The following FBXO42 variants were observed in gnomAD, a reference collection of about 807,000 sequenced individuals.
FBXO42 encodes the protein F-box protein 42, also known as F-box only protein 42.
Under a neutral mutation model 71.7 loss-of-function variants are expected in FBXO42, and 12 were observed. That is an observed-to-expected ratio of 0.17 (90% CI 0.11 to 0.27). The LOEUF is 0.27. Among genes scored for constraint, FBXO42 ranks in the 10% least tolerant of loss-of-function variants. The probability of loss-of-function intolerance (pLI) is 1.00; values close to 1 mark genes in which losing one functional copy is unlikely to be tolerated. For missense variants in FBXO42, 707 were observed against 911.9 expected (o/e 0.78, Z 2.89); for synonymous variants, 325 against 327.5 (o/e 0.99, Z 0.08).
chr1:16,315,391 C>T lies in FBXO42; in HGVS notation c.28G>A (p.Asp10Asn). MASSSDSED[D>N]SFMAVDQEET... Reference sequence around the variant, plus strand: ...TCCTGGTCCACAGCCATGAAACTGTCATCTTCACTGTCCGAGGAGCTGGCC... The same window carrying T: ...TCCTGGTCCACAGCCATGAAACTGTTATCTTCACTGTCCGAGGAGCTGGCC... The change falls in exon 2 of 10, where the codon GAC becomes AAC. Residue 10 changes from aspartate to asparagine, a missense_variant. Physicochemically the swap from Asp to Asn is conservative, Grantham distance 23. Around this residue, in one of 5 missense-constraint regions of FBXO42, gnomAD observed 188 missense variants for 230.5 expected, o/e 0.82. Transcript: ENST00000375592. 1 of 1,614,146 alleles carries T rather than the reference C, an allele frequency of 6.2e-7. No individual in the cohort carries two copies. The highest frequency in any genetic ancestry group is 8.5e-7 in the Non-Finnish European group (1 of 1,180,038).
In FBXO42 at chr1:16,269,555, C is replaced by T. The variant is rs146518926; in HGVS notation, c.503-12796G>A. ...TTTTTGTTTATTTGAGACAGAGTTT[C>T]GCTCTTGTTGCCCAGGCTGGAGTGC... On this transcript the variant is annotated intron_variant, in intron 4 of 9. Transcript: ENST00000375592. 7.5e-3 allele frequency among the ~76,000 whole-genome samples: 1,135 copies of T among 152,020 alleles called. 11 individuals are homozygous for T. Among genetic ancestry groups the T allele is most frequent in the African/African-American group, 0.026 (1,079 of 41,464 alleles).
intron 4 of FBXO42, among the ~76,000 whole-genome samples, chr1:16,291,514 G>A (rs900283161): frequency 1.5e-4 from 23 of 151,846 alleles, no homozygotes; most frequent in Non-Finnish European, 3.1e-4. Flanking sequence ...CTGAGTAGCT[G>A]AGGTTACAGG....
rs60450493 is a variant in FBXO42 at position 16,319,245 on chromosome 1, A to C, written c.-17-3810T>G. 3.9e-4 allele frequency among the ~76,000 whole-genome samples: 59 copies of C among 152,310 alleles called. No individual in the cohort carries two copies. In the East Asian group the frequency reaches 0.011, roughly 28 times the overall value. On this transcript the variant is annotated intron_variant, in intron 1 of 9. Coordinates refer to ENST00000375592, the MANE Select transcript of FBXO42 (RefSeq NM_018994.3). ...TGTTCCAAAAAGTGACAGACCGGGGAGAGCAGAGAACAGAAACCTCCTACC... is the reference window on the plus strand; with the variant it reads ...TGTTCCAAAAAGTGACAGACCGGGGCGAGCAGAGAACAGAAACCTCCTACC...
intron 1 of FBXO42, among the ~76,000 whole-genome samples, chr1:16,350,235 T>C (rs2082686662): frequency 6.6e-6 from 1 of 152,132 alleles, no homozygotes; most frequent in Non-Finnish European, 1.5e-5. Context: ...TACCTGATGA[T>C]GATTTAGCAT....
chr1:16,270,149 C>T (rs1335634672), intron 4 of FBXO42, among the ~76,000 whole-genome samples: 2 of 152,182 alleles, frequency 1.3e-5, no homozygotes, highest in Non-Finnish European at 2.9e-5. Context: ...AGCCACCACG[C>T]CCAGCCACTT....
intron 1 of FBXO42, among the ~76,000 whole-genome samples, chr1:16,322,765 A>C (rs2082418844): frequency 6.6e-6 from 1 of 152,196 alleles, no homozygotes; most frequent in Non-Finnish European, 1.5e-5. Flanking sequence ...CACACAGAGT[A>C]AGAAACAAAA....
rs531061809 is a variant in FBXO42, at chr1:16,352,429, A to ACGC, written c.-195_-193dup. On this transcript the variant is annotated 5_prime_UTR_variant, in exon 1 of 10. Transcript: ENST00000375592. The stretch of plus-strand genomic sequence containing the variant: ...GGAGCCGCCATCTTCCTCCACTCAA[A>ACGC]CGCCGCCGCCGCCGCAGCTGCTGCT... 3.3e-3 allele frequency: 1,315 copies of ACGC among 398,414 alleles called. 26 individuals are homozygous for ACGC. The East Asian group carries it at 0.044, about 13-fold the overall frequency. The allele number at this position is 398,414 out of a possible 1,614,324, so 24.7% of individuals were successfully genotyped here. A position where few individuals can be genotyped will look rare whatever the true frequency, so the allele number is the denominator to read the frequency against.
chr1:16,310,030 C>G (rs1168421295), intron 2 of FBXO42, among the ~76,000 whole-genome samples: 1 of 151,516 alleles, frequency 6.6e-6, no homozygotes, highest in African/African-American at 2.4e-5. Flanking sequence ...CCCGTCTCTA[C>G]TAAAAATAGA....
chr1:16,320,360 C>A (rs377160714), intron 1 of FBXO42, among the ~76,000 whole-genome samples: 674 of 113,294 alleles, frequency 5.9e-3, no homozygotes, highest in Middle Eastern at 0.013. Context: ...AACTCCATGT[C>A]AAAAAAAAAA....
chr1:16,283,115 A>G (rs1467360048), intron 4 of FBXO42, among the ~76,000 whole-genome samples: 1 of 152,170 alleles, frequency 6.6e-6, no homozygotes. Flanking sequence ...CTGTTATCCA[A>G]TTTTTATGAA....
At chr1:16,305,772 G>T in intron 3 of FBXO42, 31 bp downstream of exon 3, 1 of 1,549,822 alleles carries the variant, frequency 6.5e-7, no homozygotes, top group Middle Eastern at 1.7e-4. Flanking sequence ...CCACAGGCAG[G>T]GTGGAATCTG....
At chr1:16,258,530 A>G (rs1184126782) in intron 4 of FBXO42, among the ~76,000 whole-genome samples, 3 of 151,700 alleles carry the variant, frequency 2.0e-5, no homozygotes, top group African/African-American at 7.3e-5. Context: ...CTAATTTTTA[A>G]ATTTTTTGTA....
chr1:16,284,884 C>A (rs1239843789), intron 4 of FBXO42, among the ~76,000 whole-genome samples: 2 of 152,154 alleles, frequency 1.3e-5, no homozygotes, highest in Non-Finnish European at 2.9e-5. Context: ...GGGAGAATCG[C>A]TTGAACCCGG....
At chr1:16,350,757 A>AAAAAAG (rs1553156683) in intron 1 of FBXO42, among the ~76,000 whole-genome samples, 1 of 44,268 alleles carries the variant, frequency 2.3e-5, no homozygotes, top group Non-Finnish European at 4.1e-5. Context: ...AAAAAAAAAA[A>AAAAAAG]AAAGAAAGAA....
chr1:16,310,258 G>T (rs2082299394), intron 2 of FBXO42, among the ~76,000 whole-genome samples: 2 of 151,902 alleles, frequency 1.3e-5, no homozygotes, highest in Non-Finnish European at 2.9e-5. Context: ...CTACTTGGGA[G>T]GTGGAAGCAG....
In FBXO42 at chr1:16,335,299, C is replaced by T. The variant is rs1231548207; in HGVS notation, c.-18+16956G>A. Among the ~76,000 whole-genome samples the T allele has an allele frequency of 2.0e-5, 3 of 151,962 alleles. No individual in the cohort carries two copies. In the East Asian group the frequency reaches 5.8e-4, roughly 29 times the overall value. On this transcript the variant is annotated intron_variant, in intron 1 of 9. Coordinates refer to ENST00000375592, the MANE Select transcript of FBXO42 (RefSeq NM_018994.3). Reference sequence around the variant, plus strand: ...GGACTCCAGGTGCACACCATCAAGACCAGCTAATTTTTTTATTTTGTAGAG... The same window carrying T: ...GGACTCCAGGTGCACACCATCAAGATCAGCTAATTTTTTTATTTTGTAGAG...
chr1:16,291,882 G>A (rs2082083194), intron 4 of FBXO42, among the ~76,000 whole-genome samples: 2 of 152,124 alleles, frequency 1.3e-5, no homozygotes, highest in South Asian at 4.1e-4. Context: ...ATGTTACCCA[G>A]GCTGGTCTCA....
Position 16,299,801 on chromosome 1 carries a change from T to C in FBXO42, c.368-4884A>G, listed in dbSNP as rs369399731. On this transcript the variant is annotated intron_variant, in intron 3 of 9. Transcript: ENST00000375592. ...TTTGGACCACAGGCACGCGCTACCA[T>C]GCCCAGCTAATATTTGTATTTTTGG... is the stretch of plus-strand genomic sequence containing the variant. 9.9e-4 allele frequency among the ~76,000 whole-genome samples: 151 copies of C among 152,124 alleles called. 1 individual carries two copies. The highest frequency in any genetic ancestry group is 3.3e-3 in the African/African-American group (138 of 41,504).
intron 3 of FBXO42, 64 bp from the exon 4 acceptor site, chr1:16,294,981 T>A: frequency 6.7e-7 from 1 of 1,492,166 alleles, no homozygotes; most frequent in Non-Finnish European, 8.9e-7. Context: ...ATTTTAACCA[T>A]AACATATATT....
Sources: gnomAD v4.1 joint callset for allele counts (sites outside exome capture counted in the v4.1 genomes callset) on GRCh38, gnomAD v4.1.1 for gene constraint, gnomAD v4.1.1 regional missense constraint, MANE v1.5 for transcripts, NCBI Gene and HGNC (gene_info 2026-07-23, HGNC 2026-07-21) for gene names.